Variants in VPS13A observed in about 807,000 individuals in gnomAD.
The protein encoded by VPS13A is vacuolar protein sorting 13 homolog A, also known as intermembrane lipid transfer protein VPS13A.
Under a neutral mutation model 390.9 loss-of-function variants are expected in VPS13A, and 264 were observed. The ratio of observed to expected loss-of-function variants is 0.68; its 90% CI spans 0.61 to 0.75. The LOEUF is 0.75. VPS13A is among the 30% of genes least tolerant of loss of function. The pLI is 0.00. For synonymous variants in VPS13A, 1,231 were observed against 1,227.1 expected (o/e 1.00, Z -0.07); for missense variants, 3,409 against 3,733.9 (o/e 0.91, Z 2.27).
At chr9:77,381,138 G>A (rs1833410839) in intron 67 of VPS13A, among the ~76,000 whole-genome samples, 1 of 152,140 alleles carries the variant, frequency 6.6e-6, no homozygotes, top group Non-Finnish European at 1.5e-5. Context: ...TGTGGTATGT[G>A]TTTTTTGGTT....
In VPS13A at chr9:77,360,570, A is replaced by C. The variant is rs368161466; in HGVS notation, c.8140A>C (p.Arg2714=). The change falls in exon 59 of 72, where the codon AGG becomes CGG. Residue 2714 remains arginine (R), a synonymous_variant. Coordinates refer to ENST00000360280, the MANE Select transcript of VPS13A (RefSeq NM_033305.3). ...AGTATTGATTCAAGAAATGGATCTC[A>C]GGTTAGATCTTGGGTTTATCTATGC... is the stretch of plus-strand genomic sequence containing the variant. ...FKVLIQEMDL[R]LDLGFIYALT... 2.9e-5 allele frequency: 47 copies of C among 1,612,900 alleles called. No individual in the cohort carries two copies. Among genetic ancestry groups the C allele is most frequent in the Non-Finnish European group, 3.9e-5 (46 of 1,179,336 alleles).
intron 55 of VPS13A, among the ~76,000 whole-genome samples, chr9:77,357,328 AAAAAAAAAAAAAAAG>A (rs1209323217): frequency 7.7e-6 from 1 of 129,658 alleles, no homozygotes; most frequent in African/African-American, 2.6e-5. Flanking sequence ...AAAAAAAAAA[AAAAAAAAAAAAAAAG>A]AAAAGAAAAC....
Position 77,419,071 on chromosome 9 carries a change from C to G in VPS13A, c.*3065C>G, listed in dbSNP as rs1349376855. ...TGCCTGTAGAAGCTCAAAGTGTGTA[C>G]CAAATACATTGACAGTGGATGCTTT... On this transcript the variant is annotated 3_prime_UTR_variant, in exon 72 of 72. Coordinates refer to ENST00000360280, the MANE Select transcript of VPS13A (RefSeq NM_033305.3). The G allele has an allele frequency of 4.6e-5, 7 of 152,102 alleles. No individual in the cohort carries two copies. Among genetic ancestry groups the G allele is most frequent in the Admixed American group, 1.3e-4 (2 of 15,270 alleles). 9.4% of individuals were successfully genotyped at this position (152,102 alleles called of 1,614,324 possible).
At chr9:77,297,254 T>C (rs760375705) in intron 33 of VPS13A, among the ~76,000 whole-genome samples, 1 of 152,082 alleles carries the variant, frequency 6.6e-6, no homozygotes, top group Non-Finnish European at 1.5e-5. Flanking sequence ...TAAATTGGAG[T>C]ACTTTATAAT....
chr9:77,303,016 A>G lies in VPS13A; in HGVS notation c.3914A>G (p.Gln1305Arg), dbSNP rs760604783. ...CGAAATTTATGCTGGGAGTGGTACC[A>G]GGAAGTTCCTTGTTTTAATGTAAAT... The part of the protein sequence containing the change: ...VERNLCWEWY[Q>R]EVPCFNVNAQ... Residue 1305 changes from glutamine to arginine, a missense_variant, in exon 34 of 72, where the codon CAG becomes CGG. By Grantham distance (43) the Gln-to-Arg change is conservative. Transcript: ENST00000360280. The G allele has an allele frequency of 1.2e-6, 2 of 1,614,058 alleles. No individual in the cohort carries two copies. The highest frequency in any genetic ancestry group is 2.2e-5 in the South Asian group (2 of 91,086).
At chr9:77,282,660 G>T (rs1284436536) in intron 29 of VPS13A, among the ~76,000 whole-genome samples, 1 of 152,048 alleles carries the variant, frequency 6.6e-6, no homozygotes, top group Non-Finnish European at 1.5e-5. Context: ...AGCTGGGTGC[G>T]GTGGCTTATG....
chr9:77,290,792 C>CT (rs1827607494), intron 31 of VPS13A, among the ~76,000 whole-genome samples: 1 of 152,086 alleles, frequency 6.6e-6, no homozygotes, highest in Admixed American at 6.6e-5. Context: ...TTTGACTCTT[C>CT]TTTTTTCCAT....
chr9:77,378,236 A>T (rs1318060284), intron 67 of VPS13A, among the ~76,000 whole-genome samples: 3 of 152,094 alleles, frequency 2.0e-5, no homozygotes, highest in Non-Finnish European at 4.4e-5. Context: ...CGTTGATGTT[A>T]ATTAAAAAAA....
In VPS13A at chr9:77,418,308, AT is replaced by A. The variant is rs1835234717; in HGVS notation, c.*2304del. Reference sequence around the variant, plus strand: ...CATGTATTATTTGCTAACTAACTATATTACTAGGCCCTTAATTCCAGCACAG... The same window carrying A: ...CATGTATTATTTGCTAACTAACTATATACTAGGCCCTTAATTCCAGCACAG... On this transcript the variant is annotated 3_prime_UTR_variant, in exon 72 of 72. Transcript: ENST00000360280. The A allele has an allele frequency of 6.6e-6, 1 of 152,134 alleles. No homozygotes were observed. Among genetic ancestry groups the A allele is most frequent in the African/African-American group, 2.4e-5 (1 of 41,424 alleles). 9.4% of individuals were successfully genotyped at this position (152,134 alleles called of 1,614,324 possible). A position where few individuals can be genotyped will look rare whatever the true frequency, so the allele number is the denominator to read the frequency against.
intron 19 of VPS13A, among the ~76,000 whole-genome samples, chr9:77,246,686 G>A (rs1027516866): frequency 6.6e-6 from 1 of 151,914 alleles, no homozygotes; most frequent in African/African-American, 2.4e-5. Context: ...AGATGAATTT[G>A]GTATACTAAT....
intron 42 of VPS13A, among the ~76,000 whole-genome samples, chr9:77,320,157 C>G (rs1286321696): frequency 6.6e-6 from 1 of 152,080 alleles, no homozygotes; most frequent in Non-Finnish European, 1.5e-5. Context: ...GAGGTAGATA[C>G]AGTTTTTATT....
At chr9:77,399,022 T>C (rs1316405301) in intron 68 of VPS13A, among the ~76,000 whole-genome samples, 4 of 58,328 alleles carry the variant, frequency 6.9e-5, no homozygotes, top group Admixed American at 5.8e-4. Flanking sequence ...TGTGGTGGGG[T>C]CGGGGGAGGG....
chr9:77,368,649 T>C (rs1034526480), intron 62 of VPS13A, among the ~76,000 whole-genome samples: 5 of 152,200 alleles, frequency 3.3e-5, no homozygotes, highest in Non-Finnish European at 5.9e-5. Context: ...TTTTGCCATA[T>C]ACCCACTATG....
At chr9:77,322,703 A>C (rs1428054183) in intron 44 of VPS13A, among the ~76,000 whole-genome samples, 1 of 152,078 alleles carries the variant, frequency 6.6e-6, no homozygotes, top group Non-Finnish European at 1.5e-5. Context: ...AAAAATTAAA[A>C]ACAAAAATTG....
At chr9:77,208,007 A>G (rs150471330) in intron 5 of VPS13A, among the ~76,000 whole-genome samples, 2 of 152,356 alleles carry the variant, frequency 1.3e-5, no homozygotes, top group African/African-American at 4.8e-5. Context: ...ATATGCAAAA[A>G]AAGAGCAAAG....
rs1306778598 is a variant in VPS13A at position 77,337,350 on chromosome 9, A to G, written c.6191A>G (p.Lys2064Arg). Residue 2064 changes from lysine (K) to arginine (R), a missense_variant, in exon 47 of 72, where the codon AAG becomes AGG. By Grantham distance (26) the Lys-to-Arg change is conservative (BLOSUM62 2). Around this residue, in one of 5 missense-constraint regions of VPS13A, gnomAD observed 2,717 missense variants for 2,917.4 expected, o/e 0.93. Coordinates refer to ENST00000360280, the MANE Select transcript of VPS13A (RefSeq NM_033305.3). The part of the protein sequence containing the change: ...EIIKNDGALL[K>R]KKCRSKNPSK... ...ATAAAAAATGATGGTGCTCTTCTAA[A>G]GAAGAAATGTAGATCTAAAAACCCT... The G allele has an allele frequency of 6.2e-7, 1 of 1,613,036 alleles. No homozygotes were observed.
intron 19 of VPS13A, among the ~76,000 whole-genome samples, chr9:77,239,487 A>G (rs1471286798): frequency 6.6e-6 from 1 of 151,978 alleles, no homozygotes; most frequent in African/African-American, 2.4e-5. Flanking sequence ...TTAATGCTTT[A>G]ATTTTTTTCC....
chr9:77,207,254 A>G (rs11145335), intron 5 of VPS13A, among the ~76,000 whole-genome samples: 2 of 53,468 alleles, frequency 3.7e-5, no homozygotes, highest in African/African-American at 9.4e-5. Context: ...TATATATATA[A>G]AACGTGTTAT....
intron 49 of VPS13A, 42 bp from the exon 50 acceptor site, chr9:77,340,362 T>G (rs957931157): frequency 6.2e-7 from 1 of 1,607,578 alleles, no homozygotes; most frequent in Non-Finnish European, 8.5e-7. Context: ...TATAAAGATG[T>G]TATACATAAC....
Sources: gnomAD v4.1 joint callset for allele counts (sites outside exome capture counted in the v4.1 genomes callset) on GRCh38, gnomAD v4.1.1 for gene constraint, gnomAD v4.1.1 regional missense constraint, MANE v1.5 for transcripts, NCBI Gene and HGNC (gene_info 2026-07-23, HGNC 2026-07-21) for gene names.